Variants in MUC17 observed in about 807,000 individuals in gnomAD.
The protein encoded by MUC17 is mucin-17.
In MUC17, 190 loss-of-function variants were observed where a neutral mutation model predicts 170.3. The observed-to-expected ratio is 1.12, with a 90% CI of 0.99 to 1.26. The LOEUF (loss-of-function observed/expected upper bound fraction) is 1.26. Ranked by LOEUF, MUC17 falls within the 50% of genes most tolerant of loss-of-function variation. The probability of loss-of-function intolerance (pLI) is 0.00; values close to 1 mark genes in which losing one functional copy is unlikely to be tolerated. For missense variants in MUC17, 6,415 were observed against 5,530.0 expected (o/e 1.16, Z -5.08); for synonymous variants, 2,325 against 2,002.5 (o/e 1.16, Z -4.30).
Position 101,034,394 on chromosome 7 carries a change from C to T in MUC17, c.2978C>T (p.Thr993Met), listed in dbSNP as rs768095131. Residue 993 changes from threonine to methionine, a missense_variant, in exon 3 of 13, where the codon ACG becomes ATG. By Grantham distance (81) the Thr-to-Met change is moderately conservative. Coordinates refer to ENST00000306151, the MANE Select transcript of MUC17 (RefSeq NM_001040105.2). ...TPLTSTPVSH[T>M]LVANSEASTL... ...TTAACAAGCACACCTGTCAGCCACA[C>T]GCTGGTGGCCAATTCTGAGGCTAGC... 116 of 1,607,830 alleles carry T rather than the reference C, an allele frequency of 7.2e-5. No individual in the cohort carries two copies. Among genetic ancestry groups the T allele is most frequent in the African/African-American group, 9.4e-5 (7 of 74,598 alleles).
In MUC17 at chr7:101,039,502, A is replaced by C. The variant is rs1158292541; in HGVS notation, c.8086A>C (p.Asn2696His). 6.2e-7 allele frequency: 1 copy of C among 1,610,528 alleles called. No individual in the cohort carries two copies. Among genetic ancestry groups the C allele is most frequent in the Non-Finnish European group, 8.5e-7 (1 of 1,178,464 alleles). ...TGGTGAAAGAAGCACTCCATTAACA[A>C]ATATACTTGTCAGCACCACGCTGTT... ...TPGERSTPLT[N>H]ILVSTTLLAN... The change falls in exon 3 of 13, where the codon AAT (asparagine) becomes CAT (histidine). Residue 2696 changes from asparagine (N) to histidine (H), a missense_variant. Asn to His is a moderately conservative substitution (Grantham distance 68). Coordinates refer to ENST00000306151, the MANE Select transcript of MUC17 (RefSeq NM_001040105.2).
rs750175997 is a variant in MUC17, at chr7:101,036,805, A to G, written c.5389A>G (p.Ser1797Gly). ...GTCTCCTACAACTGCTGAAGGTACC[A>G]GCATACCAACCTCGACTCTTAGTGA... ...TSSPTTAEGT[S>G]IPTSTLSEGM... Residue 1797 changes from serine to glycine, a missense_variant, in exon 3 of 13, where the codon AGC becomes GGC. Coordinates refer to ENST00000306151, the MANE Select transcript of MUC17 (RefSeq NM_001040105.2). 1.1e-5 allele frequency: 18 copies of G among 1,605,536 alleles called. No individual in the cohort carries two copies. Among genetic ancestry groups the G allele is most frequent in the South Asian group, 6.7e-5 (6 of 89,722 alleles).
Position 101,041,820 on chromosome 7 carries a change from G to T in MUC17, c.10404G>T (p.Thr3468=), listed in dbSNP as rs138000542. The change falls in exon 3 of 13, where the codon ACG becomes ACT. Residue 3468 remains threonine, a synonymous_variant. Coordinates refer to ENST00000306151, the MANE Select transcript of MUC17 (RefSeq NM_001040105.2). ...TPLSIMPLST[T]PVASSEASTL... ...TATCAATTATGCCTCTCAGTACCAC[G>T]CCGGTGGCCAGTTCTGAGGCTAGCA... 1 of 1,612,204 alleles carries T rather than the reference G, an allele frequency of 6.2e-7. No homozygotes were observed. The highest frequency in any genetic ancestry group is 8.5e-7 in the Non-Finnish European group (1 of 1,179,552).
rs114262718 is a variant in MUC17, at chr7:101,034,364, C to T, written c.2948C>T (p.Thr983Ile). The T allele has an allele frequency of 6.5e-7, 1 of 1,534,046 alleles. No homozygotes were observed. Among genetic ancestry groups the T allele is most frequent in the East Asian group, 2.3e-5 (1 of 44,156 alleles). Residue 983 changes from threonine (T) to isoleucine (I), a missense_variant, in exon 3 of 13, where the codon ACT becomes ATT. Transcript: ENST00000306151. ...ACCTCGACTCCTAGTGAAGGAACGA[C>T]TCCATTAACAAGCACACCTGTCAGC... ...IPTSTPSEGT[T>I]PLTSTPVSHT...
At position 101,040,307 on chromosome 7, in the gene MUC17, A is replaced by T. The variant is rs1794652238; in HGVS notation, c.8891A>T (p.Glu2964Val). 3 of 1,611,942 alleles carry T rather than the reference A, an allele frequency of 1.9e-6. No individual in the cohort carries two copies. The highest frequency in any genetic ancestry group is 2.5e-6 in the Non-Finnish European group (3 of 1,179,164). The change falls in exon 3 of 13, where the codon GAA (glutamate) becomes GTA (valine). Residue 2964 changes from glutamate to valine, a missense_variant. Glu to Val is a moderately radical substitution (Grantham distance 121). Coordinates refer to ENST00000306151, the MANE Select transcript of MUC17 (RefSeq NM_001040105.2). ...AGGACACCTGTCACCACTTCTGCTG[A>T]AGCTAGTTCTTCTCCTACAACTGCT... ...DTRTPVTTSA[E>V]ASSSPTTAEG...
Position 101,031,778 on chromosome 7 carries a change from C to G in MUC17, c.362C>G (p.Ser121Cys), listed in dbSNP as rs770648410. The change falls in exon 3 of 13, where the codon TCT becomes TGT. Residue 121 changes from serine (S) to cysteine (C), a missense_variant. By Grantham distance (112) the Ser-to-Cys change is moderately radical (BLOSUM62 -1). Transcript: ENST00000306151. Reference sequence around the variant, plus strand: ...ACAGAATCCAGAACAACTTCAGAATCTACCAGTGACAGCACCACACTTTTC... The same window carrying G: ...ACAGAATCCAGAACAACTTCAGAATGTACCAGTGACAGCACCACACTTTTC... ...TPTESRTTSE[S>C]TSDSTTLFPS... The G allele has an allele frequency of 6.2e-7, 1 of 1,606,572 alleles. No individual in the cohort carries two copies. The highest frequency in any genetic ancestry group is 8.5e-7 in the Non-Finnish European group (1 of 1,173,180).
In MUC17 at chr7:101,033,964, G is replaced by A. The variant is rs879204598; in HGVS notation, c.2548G>A (p.Ala850Thr). The A allele has an allele frequency of 2.5e-6, 4 of 1,603,144 alleles. No homozygotes were observed. The highest frequency in any genetic ancestry group is 3.4e-6 in the Non-Finnish European group (4 of 1,174,110). Residue 850 changes from alanine (A) to threonine (T), a missense_variant, in exon 3 of 13, where the codon GCT (alanine) becomes ACT (threonine). Ala to Thr is a moderately conservative substitution (Grantham distance 58). Coordinates refer to ENST00000306151, the MANE Select transcript of MUC17 (RefSeq NM_001040105.2). ...STEVSSSPTP[A>T]EGTSMPTSTY... ...TGAAGTCAGTTCATCTCCTACACCT[G>A]CTGAAGGTACCAGCATGCCAACCTC...
intron 1 of MUC17, among the ~76,000 whole-genome samples, chr7:101,024,366 C>T (rs1237845007): frequency 6.6e-6 from 1 of 151,578 alleles, no homozygotes; most frequent in African/African-American, 2.4e-5. Context: ...CATCACTGCA[C>T]TCCAGCCTGG....
chr7:101,039,011 C>T lies in MUC17; in HGVS notation c.7595C>T (p.Ala2532Val). 2.5e-6 allele frequency: 4 copies of T among 1,614,042 alleles called. No homozygotes were observed. The highest frequency in any genetic ancestry group is 3.4e-6 in the Non-Finnish European group (4 of 1,179,956). Reference sequence around the variant, plus strand: ...ACCACGCCAGTGGCCAGTCCTGAGGCTAGCACCCTTTCAACAACTCCTGTT... The same window carrying T: ...ACCACGCCAGTGGCCAGTCCTGAGGTTAGCACCCTTTCAACAACTCCTGTT... ...VSTTPVASPE[A>V]STLSTTPVDS... The change falls in exon 3 of 13, where the codon GCT (alanine) becomes GTT (valine). Residue 2532 changes from alanine (A) to valine (V), a missense_variant. Transcript: ENST00000306151.
intron 1 of MUC17, among the ~76,000 whole-genome samples, chr7:101,028,151 G>A (rs781485696): frequency 1.3e-5 from 2 of 150,022 alleles, no homozygotes; most frequent in Admixed American, 6.6e-5. Flanking sequence ...GAGTGCAGTG[G>A]CACGATCTTG....
intron 10 of MUC17, 29 bp from the exon 11 acceptor site, chr7:101,053,310 T>C (rs377469320): frequency 2.5e-6 from 4 of 1,604,798 alleles, no homozygotes; most frequent in East Asian, 2.2e-5. Flanking sequence ...CCAATCCTAA[T>C]GGGGTCTCTC....
rs747302952 is a variant in MUC17, at chr7:101,042,491, G to A, written c.11075G>A (p.Gly3692Glu). 3 of 1,612,382 alleles carry A rather than the reference G, an allele frequency of 1.9e-6. No individual in the cohort carries two copies. In the African/African-American group the frequency reaches 4.0e-5, roughly 22 times the overall value. ...ATGCCAATCTGGACGCCTAGTGAAG[G>A]AAGCACTCCATTAACAACTATGCCT... Reference protein sequence around the residue: ...TTMPIWTPSEGSTPLTTMPVS... With the variant: ...TTMPIWTPSEESTPLTTMPVS... The change falls in exon 3 of 13, where the codon GGA becomes GAA. Residue 3692 changes from glycine (G) to glutamate (E), a missense_variant. Coordinates refer to ENST00000306151, the MANE Select transcript of MUC17 (RefSeq NM_001040105.2).
intron 9 of MUC17, among the ~76,000 whole-genome samples, chr7:101,052,550 T>C (rs1247112469): frequency 6.6e-6 from 1 of 152,078 alleles, no homozygotes; most frequent in African/African-American, 2.4e-5. Context: ...AGAGAGGGCA[T>C]CTCAAGGCAG....
chr7:101,039,636 C>G lies in MUC17; in HGVS notation c.8220C>G (p.Ser2740Arg). ...CTCCTACAACTGCTGAAGGTACCAGCATGCGAATCTCAACTCCTAGTGATG... is the reference window on the plus strand; with the variant it reads ...CTCCTACAACTGCTGAAGGTACCAGGATGCGAATCTCAACTCCTAGTGATG... ...SSSPTTAEGT[S>R]MRISTPSDGS... The change falls in exon 3 of 13, where the codon AGC (serine) becomes AGG (arginine). Residue 2740 changes from serine (S) to arginine (R), a missense_variant. By Grantham distance (110) the Ser-to-Arg change is moderately radical. Transcript: ENST00000306151. The G allele has an allele frequency of 6.2e-7, 1 of 1,612,852 alleles. No individual in the cohort carries two copies. Among genetic ancestry groups the G allele is most frequent in the Non-Finnish European group, 8.5e-7 (1 of 1,179,656 alleles).
chr7:101,028,179 C>A (rs1794214901), intron 1 of MUC17, among the ~76,000 whole-genome samples: 1 of 151,088 alleles, frequency 6.6e-6, no homozygotes. Flanking sequence ...GCAACCTCTG[C>A]CTCCCAGTTC....
Position 101,041,720 on chromosome 7 carries a change from A to G in MUC17, c.10304A>G (p.Glu3435Gly). 3 of 1,612,722 alleles carry G rather than the reference A, an allele frequency of 1.9e-6. No individual in the cohort carries two copies. The highest frequency in any genetic ancestry group is 2.5e-6 in the Non-Finnish European group (3 of 1,179,790). ...DSNTLVTTST[E>G]ASSSPTIAEG... ...AACACTCTGGTGACCACTTCTACTGAAGCCAGTTCATCTCCTACAATCGCT... is the reference window on the plus strand; with the variant it reads ...AACACTCTGGTGACCACTTCTACTGGAGCCAGTTCATCTCCTACAATCGCT... The change falls in exon 3 of 13, where the codon GAA becomes GGA. Residue 3435 changes from glutamate to glycine, a missense_variant. Physicochemically the swap from Glu to Gly is moderately conservative, Grantham distance 98 (BLOSUM62 -2). Transcript: ENST00000306151.
chr7:101,055,468 C>T (rs1237044666), intron 11 of MUC17, among the ~76,000 whole-genome samples: 1 of 152,164 alleles, frequency 6.6e-6, no homozygotes, highest in Non-Finnish European at 1.5e-5. Flanking sequence ...AAATGGCTTA[C>T]TCTGTTAGAC....
rs768113808 is a variant in MUC17 at position 101,036,262 on chromosome 7, G to A, written c.4846G>A (p.Ala1616Thr). ...ASTEASSSTTAEGSSMTISTP... is the reference protein window; with the variant it reads ...ASTEASSSTTTEGSSMTISTP... ...TACTGAAGCCAGTTCATCTACAACC[G>A]CTGAAGGTAGCAGCATGACAATCTC... The change falls in exon 3 of 13, where the codon GCT becomes ACT. Residue 1616 changes from alanine to threonine, a missense_variant. By Grantham distance (58) the Ala-to-Thr change is moderately conservative. Coordinates refer to ENST00000306151, the MANE Select transcript of MUC17 (RefSeq NM_001040105.2). 67 of 1,613,440 alleles carry A rather than the reference G, an allele frequency of 4.2e-5. No individual in the cohort carries two copies. Among genetic ancestry groups the A allele is most frequent in the South Asian group, 1.2e-4 (11 of 91,074 alleles).
chr7:101,032,340 T>C lies in MUC17; in HGVS notation c.924T>C (p.Thr308=). The C allele has an allele frequency of 6.2e-7, 1 of 1,613,632 alleles. No individual in the cohort carries two copies. The highest frequency in any genetic ancestry group is 1.1e-5 in the South Asian group (1 of 91,064). The change falls in exon 3 of 13, where the codon ACT becomes ACC. Residue 308 remains threonine, a synonymous_variant. Transcript: ENST00000306151. ...CTGCCACCAACATTCCTGTGATCAC[T>C]TCTACTGAAGCCAGTTCATCTCCTA... is the stretch of plus-strand genomic sequence containing the variant. ...TPAATNIPVI[T]STEASSSPTT... is the part of the protein sequence containing the mutation.
Sources: allele counts gnomAD v4.1 joint callset (sites outside exome capture counted in the v4.1 genomes callset), GRCh38; gene constraint gnomAD v4.1.1; transcripts MANE v1.5; gene names NCBI Gene and HGNC (gene_info 2026-07-23, HGNC 2026-07-21).